Variants in FGFRL1 observed in about 807,000 individuals in gnomAD.
FGFRL1 encodes the protein fibroblast growth factor receptor like 1, also known as fibroblast growth factor receptor-like 1.
A neutral mutation model predicts 36.8 loss-of-function variants in FGFRL1; 24 were observed. The observed-to-expected ratio is 0.65, with a 90% confidence interval of 0.47 to 0.92. The LOEUF is 0.92. Ranked by LOEUF, FGFRL1 falls within the 40% of genes least tolerant of loss-of-function variation. The pLI is 0.00. For missense variants in FGFRL1, 785 were observed against 753.4 expected (o/e 1.04, Z -0.49); for synonymous variants, 422 against 344.1 (o/e 1.23, Z -2.50).
At chr4:1,013,496 G>C (rs528807893) in intron 2 of FGFRL1, among the ~76,000 whole-genome samples, 61 of 152,054 alleles carry the variant, frequency 4.0e-4, no homozygotes, top group Non-Finnish European at 8.4e-4. Context: ...GCTGGGTGGC[G>C]GGCGGTGACC....
In FGFRL1 at chr4:1,023,150, G is replaced by A. The variant is rs1031277339; in HGVS notation, c.353-491G>A. On this transcript the variant is annotated intron_variant, in intron 3 of 6. Coordinates refer to ENST00000510644, the MANE Select transcript of FGFRL1 (RefSeq NM_001004356.3). This position sits in a 1 kb window ranked among gnomAD's most constrained non-coding sequence, Gnocchi z 6.0. ...CTGGTCCTGGGCTCAGTGAAGGAGC[G>A]GCTGTCACAGGGTGGATGGAGGGGA... Among the ~76,000 whole-genome samples the A allele has an allele frequency of 5.3e-5, 8 of 152,130 alleles. No individual in the cohort carries two copies. Among genetic ancestry groups the A allele is most frequent in the African/African-American group, 7.2e-5 (3 of 41,424 alleles).
rs1055091322 is a variant in FGFRL1 at position 1,024,759 on chromosome 4, C to G, written c.1072+95C>G. The G allele has an allele frequency of 5.6e-6, 8 of 1,420,842 alleles. No homozygotes were observed. In the African/African-American group the frequency reaches 1.0e-4, roughly 18 times the overall value. 88.0% of individuals were successfully genotyped at this position (1,420,842 alleles called of 1,614,324 possible). On this transcript the variant is annotated intron_variant, in intron 6 of 6. Coordinates refer to ENST00000510644, the MANE Select transcript of FGFRL1 (RefSeq NM_001004356.3). ...CCACCGGGTGGGGCCCCACCCTTCC[C>G]TCCCGGGCCGTGCTGGCCAGGTCAT...
Position 1,024,609 on chromosome 4 carries a change from T to TGGCGCCAACACCATG in FGFRL1, c.1021_1035dup (p.Ala341_Gly345dup). 1 of 1,611,768 alleles carries TGGCGCCAACACCATG rather than the reference T, an allele frequency of 6.2e-7. No individual in the cohort carries two copies. The highest frequency in any genetic ancestry group is 8.5e-7 in the Non-Finnish European group (1 of 1,179,482). On this transcript the variant is annotated inframe_insertion, in exon 6 of 7. Transcript: ENST00000510644. ...ACGATGCGGGCATGTACATCTGCCT[T>TGGCGCCAACACCATG]GGCGCCAACACCATGGGCTACAGCT...
At chr4:1,017,165 G>A (rs2153025802) in intron 2 of FGFRL1, among the ~76,000 whole-genome samples, 1 of 152,262 alleles carries the variant, frequency 6.6e-6, no homozygotes, top group African/African-American at 2.4e-5. Flanking sequence ...TTGGGGCCTG[G>A]CCACCCCCAC....
At chr4:1,022,571 C>A in intron 3 of FGFRL1, 96 bp downstream of exon 3, 1 of 1,431,078 alleles carries the variant, frequency 7.0e-7, no homozygotes, top group South Asian at 1.4e-5. Flanking sequence ...GCCCGAGAGT[C>A]AGCCAGCCCC....
At chr4:1,011,412 G>GCGGGGC (rs1715573018), upstream of FGFRL1, 1 of 144,924 alleles carries the variant, frequency 6.9e-6, no homozygotes. Context: ...GGGGGCGGGG[G>GCGGGGC]CGGGGCCGGA....
intron 2 of FGFRL1, among the ~76,000 whole-genome samples, chr4:1,015,430 G>T (rs995144301): frequency 5.3e-5 from 8 of 152,314 alleles, no homozygotes; most frequent in Middle Eastern, 3.4e-3. Flanking sequence ...AAGGTGGGCC[G>T]CAGCCCCAGA....
rs1715960277 is a variant in FGFRL1 at position 1,017,648 on chromosome 4, C to T, written c.80-4555C>T. Among the ~76,000 whole-genome samples the T allele has an allele frequency of 2.6e-5, 4 of 152,164 alleles. No individual in the cohort carries two copies. The South Asian group carries it at 8.3e-4, about 31-fold the overall frequency. Reference sequence around the variant, plus strand: ...GGGTGCACTGGAAAGTTGGAGGAGGCCGTTTCCAGCCAGTGTCCTGGTCCT... The same window carrying T: ...GGGTGCACTGGAAAGTTGGAGGAGGTCGTTTCCAGCCAGTGTCCTGGTCCT... On this transcript the variant is annotated intron_variant, in intron 2 of 6. Coordinates refer to ENST00000510644, the MANE Select transcript of FGFRL1 (RefSeq NM_001004356.3).
At chr4:1,024,871 C>A in intron 6 of FGFRL1, 34 bp from the exon 7 acceptor site, 1 of 1,550,378 alleles carries the variant, frequency 6.5e-7, no homozygotes, top group Non-Finnish European at 8.7e-7. Context: ...TGTCGGCGTT[C>A]CCCTCCCTAC....
intron 2 of FGFRL1, among the ~76,000 whole-genome samples, chr4:1,013,752 G>A (rs947471688): frequency 6.6e-6 from 1 of 152,278 alleles, no homozygotes; most frequent in African/African-American, 2.4e-5. Flanking sequence ...CCTCTGTCCT[G>A]CCATGTTTCC....
At position 1,025,685 on chromosome 4, in the gene FGFRL1, C is replaced by T; in HGVS notation, c.*338C>T. ...TGCCAGAACATACAAGGACATGCTG[C>T]CTGAACATACACACGCACACCCATG... On this transcript the variant is annotated 3_prime_UTR_variant, in exon 7 of 7. Coordinates refer to ENST00000510644, the MANE Select transcript of FGFRL1 (RefSeq NM_001004356.3). 2.4e-6 allele frequency: 1 copy of T among 410,374 alleles called. No individual in the cohort carries two copies. The highest frequency in any genetic ancestry group is 4.5e-6 in the Non-Finnish European group (1 of 223,682). The allele number at this position is 410,374 out of a possible 1,614,324, so 25.4% of individuals were successfully genotyped here.
chr4:1,024,135 G>A (rs770742296), intron 5 of FGFRL1, 34 bp downstream of exon 5: 4 of 1,402,940 alleles, frequency 2.9e-6, no homozygotes, highest in East Asian at 5.6e-5. Flanking sequence ...CGGGCGGGGG[G>A]TGCTGGTGGG....
intron 2 of FGFRL1, among the ~76,000 whole-genome samples, 168 bp downstream of exon 2, chr4:1,012,732 T>G (rs1256054005): frequency 6.6e-6 from 1 of 152,156 alleles, no homozygotes. Context: ...CCATGGGCTG[T>G]CCACAGCACC....
Position 1,012,460 on chromosome 4 carries a change from A to G in FGFRL1, c.-16-10A>G, listed in dbSNP as rs752839886. On this transcript the variant is annotated splice_polypyrimidine_tract_variant and intron_variant, in intron 1 of 6. Coordinates refer to ENST00000510644, the MANE Select transcript of FGFRL1 (RefSeq NM_001004356.3). ...CCACGTGTTAGTGACGGCGCCCCCA[A>G]TGTCCCCAGGTCCGGACAGGCCGAG... 33 of 1,575,496 alleles carry G rather than the reference A, an allele frequency of 2.1e-5. No homozygotes were observed. In the African/African-American group the frequency reaches 2.1e-4, roughly 10 times the overall value.
At chr4:1,024,256 CG>C (rs1716372144) in intron 5 of FGFRL1, 54 bp from the exon 6 acceptor site, 1 of 1,523,812 alleles carries the variant, frequency 6.6e-7, no homozygotes. Context: ...AGGGTGCTGG[CG>C]GGGTAGAGTC....
At chr4:1,014,995 C>T (rs531406402) in intron 2 of FGFRL1, among the ~76,000 whole-genome samples, 3 of 152,332 alleles carry the variant, frequency 2.0e-5, no homozygotes, top group East Asian at 1.9e-4. Context: ...GCAGGCCCCG[C>T]GCTGCGGCCC....
Position 1,025,129 on chromosome 4 carries a change from C to A in FGFRL1, c.1297C>A (p.Pro433Thr). The change falls in exon 7 of 7, where the codon CCC becomes ACC. Residue 433 changes from proline (P) to threonine (T), a missense_variant. Physicochemically the swap from Pro to Thr is conservative, Grantham distance 38. Coordinates refer to ENST00000510644, the MANE Select transcript of FGFRL1 (RefSeq NM_001004356.3). The stretch of plus-strand genomic sequence containing the variant: ...CGACCGCAGCGGAGACAAGGACCTT[C>A]CCTCGTTGGCCGCCCTCAGCGCTGG... ...ARDRSGDKDL[P>T]SLAALSAGPG... 1 of 1,611,184 alleles carries A rather than the reference C, an allele frequency of 6.2e-7. No individual in the cohort carries two copies. Among genetic ancestry groups the A allele is most frequent in the Non-Finnish European group, 8.5e-7 (1 of 1,179,288 alleles).
intron 2 of FGFRL1, among the ~76,000 whole-genome samples, chr4:1,019,251 G>A (rs2153026205): frequency 6.6e-6 from 1 of 152,362 alleles, no homozygotes; most frequent in African/African-American, 2.4e-5. Flanking sequence ...CAGATGTGGG[G>A]GGCTGGGTCA....
chr4:1,016,486 C>T (rs1715893195), intron 2 of FGFRL1, among the ~76,000 whole-genome samples: 1 of 152,140 alleles, frequency 6.6e-6, no homozygotes, highest in African/African-American at 2.4e-5. Flanking sequence ...TGCTCTGGTG[C>T]CCGCTGTGTG....
Sources: allele counts gnomAD v4.1 joint callset (sites outside exome capture counted in the v4.1 genomes callset), GRCh38; gene constraint gnomAD v4.1.1; non-coding constraint Gnocchi (gnomAD v3.1); transcripts MANE v1.5; gene names NCBI Gene and HGNC (gene_info 2026-07-23, HGNC 2026-07-21).